Variants in ZNF777 observed in about 807,000 individuals in gnomAD.
ZNF777 encodes zinc finger protein 777.
ZNF777 carries 7 observed loss-of-function variants against 72.1 expected under a neutral mutation model. The ratio of observed to expected loss-of-function variants is 0.10; its 90% CI spans 0.06 to 0.18. The LOEUF is 0.18. Among genes scored for constraint, ZNF777 ranks in the 10% least tolerant of loss-of-function variants. ZNF777 has a pLI of 1.00. For missense variants in ZNF777, 828 were observed against 1,128.6 expected (o/e 0.73, Z 3.82); for synonymous variants, 545 against 483.5 (o/e 1.13, Z -1.67).
intron 3 of ZNF777, among the ~76,000 whole-genome samples, chr7:149,452,158 G>A (rs894205488): frequency 1.8e-4 from 28 of 152,150 alleles, no homozygotes; most frequent in African/African-American, 6.3e-4. Flanking sequence ...CCAGCTACTC[G>A]GGAGGCTGAG....
At chr7:149,456,907 C>T (rs7788241) in intron 1 of ZNF777, among the ~76,000 whole-genome samples, 5,066 of 152,240 alleles carry the variant, frequency 0.033, 313 homozygotes, top group African/African-American at 0.12. Flanking sequence ...ATAAGCAGAG[C>T]GAGACATCGA....
In ZNF777 at chr7:149,455,603, CA is replaced by C; in HGVS notation, c.419del (p.Leu140ArgfsTer65). ...TCTCGGGAACTGTTGGGGAAAGGGT[CA>C]GGGGGTCTTTCTCAGGAGCTTCAGG... Reference protein sequence around the residue: ...HSPEAPEKDPLTLSPTVPETD... With the variant: ...HSPEAPEKDPXTLSPTVPETD... On this transcript the variant is annotated frameshift_variant, in exon 2 of 6. Transcript: ENST00000247930. LOFTEE classifies it high-confidence loss of function. The surrounding 1 kb of genome is among the most constrained non-coding windows in gnomAD (Gnocchi z 4.2). The C allele has an allele frequency of 6.2e-7, 1 of 1,603,228 alleles. No homozygotes were observed. The highest frequency in any genetic ancestry group is 8.5e-7 in the Non-Finnish European group (1 of 1,177,094).
chr7:149,452,101 T>C (rs1025100753), intron 3 of ZNF777, among the ~76,000 whole-genome samples: 1 of 150,764 alleles, frequency 6.6e-6, no homozygotes, highest in Non-Finnish European at 1.5e-5. Flanking sequence ...CCGTCTCTAC[T>C]AAAAATACAA....
rs1268304703 is a variant in ZNF777, at chr7:149,436,323, G to C, written c.1339+252C>G. ...GTCTGTAAAATGAGGGGTGGGATAG[G>C]TGAGCTCTGAGATCCCTTTGCCTGA... On this transcript the variant is annotated intron_variant, in intron 5 of 5. Transcript: ENST00000247930. The surrounding 1 kb of genome is among the most constrained non-coding windows in gnomAD (Gnocchi z 5.0). 2.0e-5 allele frequency among the ~76,000 whole-genome samples: 3 copies of C among 152,172 alleles called. No individual in the cohort carries two copies. The highest frequency in any genetic ancestry group is 7.2e-5 in the African/African-American group (3 of 41,444).
intron 3 of ZNF777, 61 bp from the exon 4 acceptor site, chr7:149,451,173 G>T: frequency 6.9e-7 from 1 of 1,454,376 alleles, no homozygotes; most frequent in Non-Finnish European, 9.6e-7. Context: ...ATGTTGTTAA[G>T]GTATCATCTG....
chr7:149,446,702 C>CAAG (rs1252998118), intron 4 of ZNF777, among the ~76,000 whole-genome samples: 1 of 152,062 alleles, frequency 6.6e-6, no homozygotes, highest in Non-Finnish European at 1.5e-5. Context: ...CTTAGGCAAA[C>CAAG]AAGAATCCCC....
At chr7:149,452,620 G>C (rs999306247) in intron 3 of ZNF777, among the ~76,000 whole-genome samples, 1 of 142,778 alleles carries the variant, frequency 7.0e-6, no homozygotes, top group Non-Finnish European at 1.5e-5. Context: ...GCAACAGAGC[G>C]AGACTCTGTC....
intron 4 of ZNF777, among the ~76,000 whole-genome samples, chr7:149,437,042 G>C (rs1799424529): frequency 6.6e-6 from 1 of 152,116 alleles, no homozygotes; most frequent in African/African-American, 2.4e-5. Flanking sequence ...AGTTAAAATA[G>C]ATGCAAAGTT....
chr7:149,460,236 C>T lies in ZNF777; in HGVS notation c.-16+579G>A. 1 of 323,216 alleles carries T rather than the reference C, an allele frequency of 3.1e-6. No individual in the cohort carries two copies. The highest frequency in any genetic ancestry group is 4.4e-6 in the Non-Finnish European group (1 of 227,862). 20.0% of individuals were successfully genotyped at this position (323,216 alleles called of 1,614,324 possible). Reference sequence around the variant, plus strand: ...CGCGGCCCCACGCAGGCCCGGCCGCCCGGCGCTCTCCGCAGGCGGCGCCGG... The same window carrying T: ...CGCGGCCCCACGCAGGCCCGGCCGCTCGGCGCTCTCCGCAGGCGGCGCCGG... On this transcript the variant is annotated intron_variant, in intron 1 of 5. Coordinates refer to ENST00000247930, the MANE Select transcript of ZNF777 (RefSeq NM_015694.3). The surrounding 1 kb of genome is among the most constrained non-coding windows in gnomAD (Gnocchi z 6.1).
chr7:149,445,677 G>A (rs963873353), intron 4 of ZNF777, among the ~76,000 whole-genome samples: 4 of 152,146 alleles, frequency 2.6e-5, no homozygotes, highest in Admixed American at 2.0e-4. Context: ...TTTTCAATAT[G>A]GTGCCCCACC....
intron 1 of ZNF777, among the ~76,000 whole-genome samples, chr7:149,458,287 C>T (rs541960541): frequency 6.6e-6 from 1 of 152,310 alleles, no homozygotes; most frequent in African/African-American, 2.4e-5. Flanking sequence ...CCTCTGAACT[C>T]TTCATTCCCT....
At chr7:149,450,900 C>T (rs1799700294) in intron 4 of ZNF777, 99 bp downstream of exon 4, 1 of 1,067,664 alleles carries the variant, frequency 9.4e-7, no homozygotes, top group African/African-American at 1.6e-5. Flanking sequence ...CTAACATATC[C>T]TGGCAGGGCC....
rs745769608 is a variant in ZNF777, at chr7:149,436,599, G to T, written c.1315C>A (p.Leu439Met). 2 of 1,609,582 alleles carry T rather than the reference G, an allele frequency of 1.2e-6. No individual in the cohort carries two copies. Among genetic ancestry groups the T allele is most frequent in the Middle Eastern group, 1.7e-4 (1 of 6,050 alleles). Residue 439 changes from leucine (L) to methionine (M), a missense_variant, in exon 5 of 6, where the codon CTG (leucine) becomes ATG (methionine). Transcript: ENST00000247930. This position sits in a 1 kb window ranked among gnomAD's most constrained non-coding sequence, Gnocchi z 5.0. ...CCCGTGCAGTTCCTCTGCTGCACCA[G>T]CATCTGCTTCAGTTCGCTGAACTCG... is the stretch of plus-strand genomic sequence containing the variant. ...SSEFSELKQMLVQQRNCTEGI... is the reference protein window; with the variant it reads ...SSEFSELKQMMVQQRNCTEGI...
intron 5 of ZNF777, among the ~76,000 whole-genome samples, chr7:149,434,245 G>T (rs1393360723): frequency 6.6e-6 from 1 of 152,290 alleles, no homozygotes; most frequent in East Asian, 1.9e-4. Flanking sequence ...CAATGTTTGT[G>T]ACCCAGCCAA....
intron 1 of ZNF777, chr7:149,459,802 C>T (rs1267316576): frequency 2.0e-6 from 2 of 984,770 alleles, no homozygotes; most frequent in Non-Finnish European, 2.4e-6. Flanking sequence ...GAAAACGTGC[C>T]GGCGGCTACC....
intron 4 of ZNF777, among the ~76,000 whole-genome samples, chr7:149,437,102 G>T (rs1003614338): frequency 1.3e-5 from 2 of 152,048 alleles, no homozygotes; most frequent in African/African-American, 2.4e-5. Flanking sequence ...CATTGTCAGG[G>T]TTTATTTTTA....
chr7:149,453,194 G>A (rs1311152055), intron 3 of ZNF777, among the ~76,000 whole-genome samples: 1 of 152,148 alleles, frequency 6.6e-6, no homozygotes, highest in East Asian at 1.9e-4. Context: ...TACCTCTGGG[G>A]AGTGGTACTG....
In ZNF777 at chr7:149,432,006, C is replaced by T. The variant is rs754418989; in HGVS notation, c.2266G>A (p.Gly756Ser). 5 of 1,610,424 alleles carry T rather than the reference C, an allele frequency of 3.1e-6. No homozygotes were observed. Among genetic ancestry groups the T allele is most frequent in the Admixed American group, 1.7e-5 (1 of 59,990 alleles). The stretch of plus-strand genomic sequence containing the variant: ...TGGTGCTTGCGGATGAAGCTCTTGC[C>T]GCACTCGGGGCAGGCGTGCGGCCGC... ...RERPHACPECGKSFIRKHHLL... is the reference protein window; with the variant it reads ...RERPHACPECSKSFIRKHHLL... The change falls in exon 6 of 6, where the codon GGC becomes AGC. Residue 756 changes from glycine (G) to serine (S), a missense_variant. Coordinates refer to ENST00000247930, the MANE Select transcript of ZNF777 (RefSeq NM_015694.3).
At position 149,431,967 on chromosome 7, in the gene ZNF777, G is replaced by A; in HGVS notation, c.2305C>T (p.Arg769Trp). The A allele has an allele frequency of 6.2e-7, 1 of 1,611,230 alleles. No homozygotes were observed. The highest frequency in any genetic ancestry group is 8.5e-7 in the Non-Finnish European group (1 of 1,179,600). ...GGCCGCTCGCCTGTGTGGATGCGCCGGTGTTCCAGGAGGTGGTGCTTGCGG... is the reference window on the plus strand; with the variant it reads ...GGCCGCTCGCCTGTGTGGATGCGCCAGTGTTCCAGGAGGTGGTGCTTGCGG... The part of the protein sequence containing the change: ...FIRKHHLLEH[R>W]RIHTGERPYH... Residue 769 changes from arginine (R) to tryptophan (W), a missense_variant, in exon 6 of 6, where the codon CGG (arginine) becomes TGG (tryptophan). Arg to Trp is a moderately radical substitution (Grantham distance 101). Around this residue, in one of 12 missense-constraint regions of ZNF777, gnomAD observed 49 missense variants for 135.8 expected, o/e 0.36. Transcript: ENST00000247930.
Sources: gnomAD v4.1 joint callset for allele counts (sites outside exome capture counted in the v4.1 genomes callset) on GRCh38, gnomAD v4.1.1 for gene constraint, gnomAD v4.1.1 regional missense constraint, Gnocchi (gnomAD v3.1) non-coding constraint, MANE v1.5 for transcripts, NCBI Gene and HGNC (gene_info 2026-07-23, HGNC 2026-07-21) for gene names.